The following FAM177A1 variants were observed in gnomAD, a reference collection of about 807,000 sequenced individuals.
FAM177A1 encodes the protein protein FAM177A1.
In FAM177A1, 22 loss-of-function variants were observed where a neutral mutation model predicts 26.1. The observed-to-expected ratio is 0.84, with a 90% confidence interval of 0.60 to 1.20. The LOEUF (loss-of-function observed/expected upper bound fraction) is 1.20. Among genes scored for constraint, FAM177A1 ranks in the 50% most tolerant of loss-of-function variants. The pLI is 0.00. For missense variants in FAM177A1, 296 were observed against 291.1 expected (o/e 1.02, Z -0.12); for synonymous variants, 95 against 99.3 (o/e 0.96, Z 0.26).
intron 2 of FAM177A1, among the ~76,000 whole-genome samples, chr14:35,071,199 G>A (rs752210908): frequency 6.6e-6 from 1 of 151,482 alleles, no homozygotes; most frequent in Non-Finnish European, 1.5e-5. Flanking sequence ...GGGTTTCACC[G>A]TGTTAGCCAG....
intron 2 of FAM177A1, among the ~76,000 whole-genome samples, chr14:35,069,449 C>T (rs1393434569): frequency 2.0e-5 from 3 of 152,080 alleles, no homozygotes; most frequent in Non-Finnish European, 2.9e-5. Context: ...CCATGCCCGG[C>T]TAATTTTGTA....
At chr14:35,048,913 C>T (rs546726217) in intron 1 of FAM177A1, among the ~76,000 whole-genome samples, 21 of 145,528 alleles carry the variant, frequency 1.4e-4, no homozygotes, top group African/African-American at 4.6e-4. Context: ...TTTTTTAAGA[C>T]GGAGTCTCAC....
chr14:35,068,038 A>G (rs548247638), intron 2 of FAM177A1, among the ~76,000 whole-genome samples: 2 of 152,274 alleles, frequency 1.3e-5, no homozygotes, highest in East Asian at 1.9e-4. Context: ...ATGTAATCCC[A>G]TTAGTCTGGT....
Position 35,046,335 on chromosome 14 carries a change from C to T in FAM177A1, c.-129C>T, listed in dbSNP as rs370076717. ...CGGGCTAGGCGAGGCGCGGGCTGGC[C>T]CCGCCCCTCAGGCCGGCGAGTCCCC... On this transcript the variant is annotated 5_prime_UTR_variant, in exon 1 of 5. Transcript: ENST00000280987. 34 of 1,166,030 alleles carry T rather than the reference C, an allele frequency of 2.9e-5. No individual in the cohort carries two copies. The East Asian group carries it at 7.4e-4, about 25-fold the overall frequency. 72.2% of individuals were successfully genotyped at this position (1,166,030 alleles called of 1,614,324 possible). A position where few individuals can be genotyped will look rare whatever the true frequency, so the allele number is the denominator to read the frequency against.
At chr14:35,047,290 A>G (rs1307192193) in intron 1 of FAM177A1, among the ~76,000 whole-genome samples, 4 of 152,234 alleles carry the variant, frequency 2.6e-5, no homozygotes, top group Non-Finnish European at 4.4e-5. Context: ...AATTACTATG[A>G]AAGTTATTAA....
Position 35,046,425 on chromosome 14 carries a change from C to G in FAM177A1, c.-39C>G. On this transcript the variant is annotated 5_prime_UTR_variant, in exon 1 of 5. Coordinates refer to ENST00000280987, the MANE Select transcript of FAM177A1 (RefSeq NM_173607.5). ...TGGGCGGGTGAGTCCCACTTCCCGA[C>G]AGCCTGGCTCGGCCAGCGACTGGGC... 6.7e-7 allele frequency: 1 copy of G among 1,494,660 alleles called. No individual in the cohort carries two copies. The highest frequency in any genetic ancestry group is 9.0e-7 in the Non-Finnish European group (1 of 1,116,806). The allele number at this position is 1,494,660 out of a possible 1,614,324, so 92.6% of individuals were successfully genotyped here. A position where few individuals can be genotyped will look rare whatever the true frequency, so the allele number is the denominator to read the frequency against.
chr14:35,067,549 A>G (rs2045257883), intron 2 of FAM177A1, among the ~76,000 whole-genome samples: 1 of 152,170 alleles, frequency 6.6e-6, no homozygotes, highest in African/African-American at 2.4e-5. Flanking sequence ...ATATTCAGAA[A>G]TTGAATTGCT....
chr14:35,048,374 G>A (rs968838730), intron 1 of FAM177A1, among the ~76,000 whole-genome samples: 5 of 152,000 alleles, frequency 3.3e-5, no homozygotes, highest in African/African-American at 1.2e-4. Flanking sequence ...GTGATATTCT[G>A]TTGTTTTCAC....
chr14:35,053,181 T>G (rs1291705471), intron 1 of FAM177A1, 97 bp from the exon 2 acceptor site: 11 of 1,110,474 alleles, frequency 9.9e-6, no homozygotes, highest in African/African-American at 1.6e-5. Context: ...AAAGATTTAT[T>G]TCTTTACTAC....
intron 2 of FAM177A1, among the ~76,000 whole-genome samples, chr14:35,064,553 G>T (rs72680660): frequency 0.013 from 1,976 of 152,158 alleles, 22 homozygotes; most frequent in Middle Eastern, 0.048. Flanking sequence ...AGTTAATGAA[G>T]AATTTATACT....
At chr14:35,047,046 C>A in intron 1 of FAM177A1, 1 of 993,892 alleles carries the variant, frequency 1.0e-6, no homozygotes, top group Non-Finnish European at 1.2e-6. Flanking sequence ...AAACGTTTAC[C>A]AGCTTTAATT....
chr14:35,058,967 ACT>A (rs1488945445), intron 2 of FAM177A1, among the ~76,000 whole-genome samples: 2 of 151,732 alleles, frequency 1.3e-5, no homozygotes, highest in African/African-American at 4.8e-5. Flanking sequence ...GGACGGAGTC[ACT>A]CTGTCGCCCA....
intron 2 of FAM177A1, among the ~76,000 whole-genome samples, chr14:35,057,113 A>T (rs1339640598): frequency 6.6e-6 from 1 of 151,784 alleles, no homozygotes. Flanking sequence ...TTTGTGTTTC[A>T]TTTTCCAGTG....
intron 2 of FAM177A1, among the ~76,000 whole-genome samples, chr14:35,076,565 C>T (rs1279368805): frequency 6.6e-6 from 1 of 151,914 alleles, no homozygotes. Context: ...ATGTTGTGCA[C>T]AGGTACCCTA....
At chr14:35,068,351 C>T (rs2045269969) in intron 2 of FAM177A1, among the ~76,000 whole-genome samples, 1 of 152,166 alleles carries the variant, frequency 6.6e-6, no homozygotes. Flanking sequence ...GACTAGGCAT[C>T]ATGTGAAGTT....
At position 35,082,241 on chromosome 14, in the gene FAM177A1, AC is replaced by A. The variant is rs2045495022; in HGVS notation, c.*1014del. ...AAAATATTCCTAAATATGGCCAGGT[AC>A]GGTGCTCACACCTGTAATCCCAGCA... On this transcript the variant is annotated 3_prime_UTR_variant, in exon 5 of 5. Transcript: ENST00000280987. 1 of 152,132 alleles carries A rather than the reference AC, an allele frequency of 6.6e-6. No individual in the cohort carries two copies. The highest frequency in any genetic ancestry group is 6.6e-5 in the Admixed American group (1 of 15,258). The allele number at this position is 152,132 out of a possible 1,614,324, so 9.4% of individuals were successfully genotyped here.
intron 1 of FAM177A1, among the ~76,000 whole-genome samples, chr14:35,048,877 C>T (rs2044917598): frequency 6.6e-6 from 1 of 151,434 alleles, no homozygotes; most frequent in African/African-American, 2.4e-5. Context: ...CCATCCAGTA[C>T]CTGTTGTGAC....
intron 1 of FAM177A1, among the ~76,000 whole-genome samples, chr14:35,047,567 G>A (rs535640408): frequency 6.6e-6 from 1 of 152,316 alleles, no homozygotes; most frequent in Non-Finnish European, 1.5e-5. Flanking sequence ...TGGCCAACAT[G>A]GTGAAACCCC....
At chr14:35,077,584 G>C (rs540115969) in intron 3 of FAM177A1, among the ~76,000 whole-genome samples, 3 of 142,366 alleles carry the variant, frequency 2.1e-5, no homozygotes, top group African/African-American at 7.8e-5. Flanking sequence ...CCGGGTTCAC[G>C]CCATTCGCCT....
Sources: allele counts gnomAD v4.1 joint callset (sites outside exome capture counted in the v4.1 genomes callset), GRCh38; gene constraint gnomAD v4.1.1; transcripts MANE v1.5; gene names NCBI Gene and HGNC (gene_info 2026-07-23, HGNC 2026-07-21).